KCND2: variants seen among roughly 807,000 people sequenced by gnomAD.
KCND2 encodes potassium voltage-gated channel subfamily D member 2.
In KCND2, 16 loss-of-function variants were observed where a neutral mutation model predicts 54.4. That is an observed-to-expected ratio of 0.29 (90% confidence interval 0.20 to 0.45). KCND2 has a LOEUF of 0.45. Ranked by LOEUF, KCND2 falls within the 20% of genes least tolerant of loss-of-function variation. The pLI, the probability that KCND2 is intolerant of heterozygous loss-of-function variation, is 1.00. For synonymous variants in KCND2, 317 were observed against 310.7 expected (o/e 1.02, Z -0.21); for missense variants, 486 against 824.2 (o/e 0.59, Z 5.02).
intron 1 of KCND2, among the ~76,000 whole-genome samples, chr7:120,404,516 G>A (rs1196553234): frequency 6.6e-6 from 1 of 152,056 alleles, no homozygotes; most frequent in Non-Finnish European, 1.5e-5. Context: ...AAAATTCATA[G>A]ATTTGCAGGA....
rs146169039 is a variant in KCND2 at position 120,545,543 on chromosome 7, T to C, written c.1116-187360T>C. ...ATCCCAGGTCAGCAATGAAAGTTGTTCAGGGAAAAGAATTGGAACAATCTC... is the reference window on the plus strand; with the variant it reads ...ATCCCAGGTCAGCAATGAAAGTTGTCCAGGGAAAAGAATTGGAACAATCTC... On this transcript the variant is annotated intron_variant, in intron 1 of 5. Transcript: ENST00000331113. Among the ~76,000 whole-genome samples the C allele has an allele frequency of 2.0e-5, 3 of 152,000 alleles. No homozygotes were observed. The East Asian group carries it at 5.8e-4, about 29-fold the overall frequency.
chr7:120,343,387 A>G (rs1026226615), intron 1 of KCND2, among the ~76,000 whole-genome samples: 1 of 152,180 alleles, frequency 6.6e-6, no homozygotes, highest in African/African-American at 2.4e-5. Flanking sequence ...CTACCTGACT[A>G]TGAGATAGCC....
chr7:120,737,095 A>C (rs907871131), intron 2 of KCND2, among the ~76,000 whole-genome samples: 24 of 147,640 alleles, frequency 1.6e-4, no homozygotes, highest in Non-Finnish European at 3.0e-4. Context: ...AAAAAAAAAC[A>C]AAACAAAAAA....
At chr7:120,594,013 A>G (rs564176501) in intron 1 of KCND2, among the ~76,000 whole-genome samples, 8 of 152,210 alleles carry the variant, frequency 5.3e-5, no homozygotes, top group African/African-American at 1.7e-4. Flanking sequence ...TCTGTAACTC[A>G]CCAGGGACTT....
At chr7:120,602,351 A>C (rs1413179255) in intron 1 of KCND2, among the ~76,000 whole-genome samples, 1 of 151,906 alleles carries the variant, frequency 6.6e-6, no homozygotes, top group African/African-American at 2.4e-5. Context: ...TTTAGTGTAC[A>C]TTTTTCTTGT....
intron 1 of KCND2, among the ~76,000 whole-genome samples, chr7:120,604,869 G>A (rs528616642): frequency 1.1e-3 from 165 of 152,158 alleles, no homozygotes; most frequent in Non-Finnish European, 1.8e-3. Flanking sequence ...CCTTTGATGT[G>A]AGTAGAATAT....
intron 1 of KCND2, among the ~76,000 whole-genome samples, chr7:120,642,857 A>G (rs1793395400): frequency 6.6e-6 from 1 of 152,210 alleles, no homozygotes. Context: ...ATGACTAGAA[A>G]GCAAAACAAC....
intron 1 of KCND2, among the ~76,000 whole-genome samples, chr7:120,688,376 G>A (rs66953530): frequency 0.19 from 28,183 of 151,966 alleles, 3,014 homozygotes; most frequent in African/African-American, 0.28. Flanking sequence ...TTCATTTATC[G>A]ACACTGAAAT....
chr7:120,300,781 C>G (rs551812812), intron 1 of KCND2, among the ~76,000 whole-genome samples: 38 of 152,122 alleles, frequency 2.5e-4, no homozygotes, highest in Middle Eastern at 6.8e-3. Context: ...CAACTTTGCC[C>G]TAAGACACAC....
intron 1 of KCND2, among the ~76,000 whole-genome samples, chr7:120,461,759 CAG>C (rs1802287637): frequency 6.6e-6 from 1 of 151,828 alleles, no homozygotes; most frequent in Admixed American, 6.6e-5. Flanking sequence ...TAAAAAAAAA[CAG>C]ATTTCTGTTC....
intron 1 of KCND2, among the ~76,000 whole-genome samples, chr7:120,709,026 GT>G (rs1450827574): frequency 1.3e-5 from 2 of 152,032 alleles, no homozygotes; most frequent in African/African-American, 4.8e-5. Context: ...AATTCTCTGT[GT>G]ATTCAAAGCC....
chr7:120,322,990 A>T (rs1454237931), intron 1 of KCND2, among the ~76,000 whole-genome samples: 2 of 152,092 alleles, frequency 1.3e-5, no homozygotes, highest in African/African-American at 4.8e-5. Context: ...CAGCACAATG[A>T]TGTTTTGTTT....
intron 1 of KCND2, among the ~76,000 whole-genome samples, chr7:120,362,358 A>G (rs536299198): frequency 1.1e-4 from 16 of 152,166 alleles, no homozygotes; most frequent in Non-Finnish European, 2.1e-4. Flanking sequence ...TCTGCTTGAC[A>G]TTTTATAAGC....
intron 1 of KCND2, among the ~76,000 whole-genome samples, chr7:120,444,893 CACTT>C (rs1228915321): frequency 6.6e-6 from 1 of 152,074 alleles, no homozygotes; most frequent in Non-Finnish European, 1.5e-5. Flanking sequence ...GTAAAATTAA[CACTT>C]ACCTCAGTGG....
intron 1 of KCND2, among the ~76,000 whole-genome samples, chr7:120,638,946 CA>C (rs905348040): frequency 5.3e-5 from 8 of 151,956 alleles, no homozygotes; most frequent in Non-Finnish European, 1.2e-4. Flanking sequence ...AAGTGAAAAC[CA>C]AAATTATGCA....
At chr7:120,523,584 C>T (rs1342188029) in intron 1 of KCND2, among the ~76,000 whole-genome samples, 1 of 148,136 alleles carries the variant, frequency 6.8e-6, no homozygotes. Context: ...AAAAAACATA[C>T]ACACACACAC....
At chr7:120,340,474 C>A (rs1048500924) in intron 1 of KCND2, among the ~76,000 whole-genome samples, 1 of 151,742 alleles carries the variant, frequency 6.6e-6, no homozygotes, top group Non-Finnish European at 1.5e-5. Context: ...GAAACGAAAA[C>A]TTCAGTTTTG....
intron 1 of KCND2, among the ~76,000 whole-genome samples, chr7:120,707,413 G>A (rs1001732608): frequency 2.6e-5 from 4 of 152,018 alleles, no homozygotes; most frequent in African/African-American, 7.2e-5. Context: ...TCACTTAAAT[G>A]TCGCCCACAA....
intron 1 of KCND2, among the ~76,000 whole-genome samples, chr7:120,557,026 TC>T (rs1376018321): frequency 2.0e-5 from 3 of 152,172 alleles, no homozygotes; most frequent in Non-Finnish European, 4.4e-5. Flanking sequence ...GGATTTTATC[TC>T]CGAACTTTGT....
Sources: gnomAD v4.1 joint callset for allele counts (sites outside exome capture counted in the v4.1 genomes callset) on GRCh38, gnomAD v4.1.1 for gene constraint, MANE v1.5 for transcripts, NCBI Gene and HGNC (gene_info 2026-07-23, HGNC 2026-07-21) for gene names.